IL34: variants seen among roughly 807,000 people sequenced by gnomAD.
IL34 encodes interleukin 34.
A neutral mutation model predicts 25.3 loss-of-function variants in IL34; 17 were observed. The observed-to-expected ratio is 0.67, with a 90% CI of 0.46 to 1.01. The LOEUF is 1.01. IL34 is among the 50% of genes least tolerant of loss of function. The probability of loss-of-function intolerance (pLI) is 0.00; values close to 1 mark genes in which losing one functional copy is unlikely to be tolerated. For synonymous variants in IL34, 174 were observed against 140.9 expected, an observed-to-expected ratio of 1.23 and a Z score of -1.66; for missense variants, 368 against 312.9, an observed-to-expected ratio of 1.18 and a Z score of -1.33.
chr16:70,650,549 G>A (rs1348279184), intron 1 of IL34, among the ~76,000 whole-genome samples: 1 of 152,176 alleles, frequency 6.6e-6, no homozygotes. Context: ...GACGGCCAAT[G>A]GTGATGGCCA....
chr16:70,585,483 T>C (rs1222338556), intron 1 of IL34, among the ~76,000 whole-genome samples: 1 of 151,894 alleles, frequency 6.6e-6, no homozygotes, highest in Non-Finnish European at 1.5e-5. Context: ...ACGAGGAGAT[T>C]GAGACCATCC....
chr16:70,617,124 G>A (rs1192714602), intron 1 of IL34, among the ~76,000 whole-genome samples: 1 of 152,116 alleles, frequency 6.6e-6, no homozygotes, highest in African/African-American at 2.4e-5. Context: ...GGGGTTGTTA[G>A]AAGAAACATT....
rs762874645 is a variant in IL34 at position 70,654,565 on chromosome 16, T to G, written c.56T>G (p.Leu19Trp). The G allele has an allele frequency of 1.2e-6, 2 of 1,613,162 alleles. No individual in the cohort carries two copies. The highest frequency in any genetic ancestry group is 1.1e-5 in the South Asian group (1 of 90,952). The change falls in exon 2 of 6, where the codon TTG (leucine) becomes TGG (tryptophan). Residue 19 changes from leucine to tryptophan, a missense_variant. Physicochemically the swap from Leu to Trp is moderately conservative, Grantham distance 61. Coordinates refer to ENST00000288098, the MANE Select transcript of IL34 (RefSeq NM_001393494.1). ...CTTGGGATCTTCCTTGGCGTGGCCT[T>G]GGGGAATGAGCCTTTGGAGATGTGG... ...RYLGIFLGVA[L>W]GNEPLEMWPL... is the part of the protein sequence containing the mutation.
At chr16:70,604,046 G>A (rs1320608376) in intron 1 of IL34, among the ~76,000 whole-genome samples, 1 of 152,198 alleles carries the variant, frequency 6.6e-6, no homozygotes, top group African/African-American at 2.4e-5. Context: ...AATTCAGTGG[G>A]GCTGCTGTTC....
intron 1 of IL34, among the ~76,000 whole-genome samples, chr16:70,594,935 ATC>A (rs1195224912): frequency 0.063 from 9,219 of 145,204 alleles, 976 homozygotes; most frequent in African/African-American, 0.23. Context: ...ATTTCAATTT[ATC>A]TCTCTCTCTC....
At chr16:70,659,503 A>C in intron 4 of IL34, 115 bp from the exon 5 acceptor site, 1 of 1,310,048 alleles carries the variant, frequency 7.6e-7, no homozygotes, top group Non-Finnish European at 1.0e-6. Context: ...TGGTCACAGG[A>C]AGTCTGGTCC....
chr16:70,613,926 C>T (rs2051132891), intron 1 of IL34, among the ~76,000 whole-genome samples: 1 of 150,840 alleles, frequency 6.6e-6, no homozygotes, highest in Admixed American at 6.6e-5. Flanking sequence ...GGTGGCTCAC[C>T]CCTGTAATCC....
At position 70,646,749 on chromosome 16, in the gene IL34, G is replaced by C; in HGVS notation, c.-199G>C. The C allele has an allele frequency of 2.0e-6, 1 of 510,376 alleles. No homozygotes were observed. Among genetic ancestry groups the C allele is most frequent in the East Asian group, 3.5e-5 (1 of 28,388 alleles). 31.6% of individuals were successfully genotyped at this position (510,376 alleles called of 1,614,324 possible). A position where few individuals can be genotyped will look rare whatever the true frequency, so the allele number is the denominator to read the frequency against. On this transcript the variant is annotated 5_prime_UTR_variant, in exon 1 of 6. Transcript: ENST00000288098. Reference sequence around the variant, plus strand: ...CCACCGCCCCCCGGCTGTCCTCCACGCTGCCGGGCAGATAAGGGCAGCTGC... The same window carrying C: ...CCACCGCCCCCCGGCTGTCCTCCACCCTGCCGGGCAGATAAGGGCAGCTGC...
intron 1 of IL34, among the ~76,000 whole-genome samples, chr16:70,581,192 G>T (rs11643823): frequency 0.36 from 54,387 of 151,914 alleles, 10,415 homozygotes; most frequent in South Asian, 0.63. Flanking sequence ...GATTACAGGC[G>T]TGAGCCACCA....
intron 1 of IL34, among the ~76,000 whole-genome samples, chr16:70,647,597 T>C (rs986483328): frequency 1.3e-5 from 2 of 152,202 alleles, no homozygotes; most frequent in African/African-American, 2.4e-5. Context: ...TCCAGTTCAA[T>C]TGACTCAAAT....
At chr16:70,641,537 C>T (rs1159905794) in intron 1 of IL34, among the ~76,000 whole-genome samples, 1 of 147,994 alleles carries the variant, frequency 6.8e-6, no homozygotes, top group African/African-American at 2.5e-5. Flanking sequence ...CCCTCCCTCC[C>T]TTCCTTCCTT....
At chr16:70,585,034 G>A (rs1036999758) in intron 1 of IL34, among the ~76,000 whole-genome samples, 1 of 151,936 alleles carries the variant, frequency 6.6e-6, no homozygotes, top group Non-Finnish European at 1.5e-5. Context: ...GAAAATCCAC[G>A]TTGTACCACA....
intron 4 of IL34, among the ~76,000 whole-genome samples, chr16:70,658,277 C>G (rs1306845521): frequency 2.6e-5 from 4 of 152,220 alleles, no homozygotes. Flanking sequence ...TCAATTCCTA[C>G]AAAGTCAGGA....
intron 1 of IL34, among the ~76,000 whole-genome samples, chr16:70,590,169 T>G (rs1246743587): frequency 6.6e-6 from 1 of 152,220 alleles, no homozygotes; most frequent in African/African-American, 2.4e-5. Flanking sequence ...GGGCTGGGGT[T>G]CAGGGAATCC....
intron 1 of IL34, among the ~76,000 whole-genome samples, chr16:70,649,821 C>T (rs963052147): frequency 1.4e-4 from 15 of 110,176 alleles, no homozygotes; most frequent in African/African-American, 3.5e-4. Flanking sequence ...TTTTTTGAGA[C>T]GGAGTCTCAC....
At chr16:70,583,078 T>C (rs2050652519) in intron 1 of IL34, among the ~76,000 whole-genome samples, 1 of 152,078 alleles carries the variant, frequency 6.6e-6, no homozygotes, top group South Asian at 2.1e-4. Flanking sequence ...AGTGAGAATT[T>C]GGATTTGATT....
chr16:70,592,227 G>T (rs1035629124), intron 1 of IL34, among the ~76,000 whole-genome samples: 1 of 152,126 alleles, frequency 6.6e-6, no homozygotes, highest in African/African-American at 2.4e-5. Flanking sequence ...GCTGGGCTGG[G>T]GCCAGGCACT....
chr16:70,603,595 C>T (rs1239744451), intron 1 of IL34, among the ~76,000 whole-genome samples: 1 of 152,076 alleles, frequency 6.6e-6, no homozygotes, highest in Non-Finnish European at 1.5e-5. Context: ...TTTTTAGTGT[C>T]AGGGTCTCAC....
chr16:70,589,013 GA>G (rs1329107137), intron 1 of IL34, among the ~76,000 whole-genome samples: 1 of 151,946 alleles, frequency 6.6e-6, no homozygotes, highest in African/African-American at 2.4e-5. Flanking sequence ...ATGCCACTGG[GA>G]AAAAAATGCT....
Sources: gnomAD v4.1 joint callset for allele counts (sites outside exome capture counted in the v4.1 genomes callset) on GRCh38, gnomAD v4.1.1 for gene constraint, MANE v1.5 for transcripts, NCBI Gene and HGNC (gene_info 2026-07-23, HGNC 2026-07-21) for gene names.